DYRK2: variants seen among roughly 807,000 people sequenced by gnomAD.
DYRK2 encodes the protein dual specificity tyrosine-phosphorylation-regulated kinase 2.
In DYRK2, 12 loss-of-function variants were observed where a neutral mutation model predicts 41.6. That is an observed-to-expected ratio of 0.29 (90% CI 0.18 to 0.47). The LOEUF is 0.47. Ranked by LOEUF, DYRK2 falls within the 20% of genes least tolerant of loss-of-function variation. The pLI is 1.00. For synonymous variants in DYRK2, 322 were observed against 315.7 expected, an observed-to-expected ratio of 1.02 and a Z score of -0.21; for missense variants, 678 against 798.4, an observed-to-expected ratio of 0.85 and a Z score of 1.82.
At position 67,664,683 on chromosome 12, in the gene DYRK2, A is replaced by T. The variant is rs753213877; in HGVS notation, c.*5970A>T. The T allele has an allele frequency of 1.3e-5, 2 of 152,178 alleles. No homozygotes were observed. Among genetic ancestry groups the T allele is most frequent in the Non-Finnish European group, 1.5e-5 (1 of 68,008 alleles). The allele number at this position is 152,178 out of a possible 1,614,324, so 9.4% of individuals were successfully genotyped here. On this transcript the variant is annotated 3_prime_UTR_variant, in exon 3 of 3. Coordinates refer to ENST00000344096, the MANE Select transcript of DYRK2 (RefSeq NM_006482.3). ...ACACAAAAGTTTAGAAAGGGGGGGA[A>T]GTTGAGCTAGCAATGGGCATTTCTA...
At position 67,664,104 on chromosome 12, in the gene DYRK2, T is replaced by G. The variant is rs1872690604; in HGVS notation, c.*5391T>G. ...CCTTGTCATTAGTAATACTTAGCACTGTCCAAAATGAAAAATGACTGCCAG... is the reference window on the plus strand; with the variant it reads ...CCTTGTCATTAGTAATACTTAGCACGGTCCAAAATGAAAAATGACTGCCAG... On this transcript the variant is annotated 3_prime_UTR_variant, in exon 3 of 3. Coordinates refer to ENST00000344096, the MANE Select transcript of DYRK2 (RefSeq NM_006482.3). 2 of 152,200 alleles carry G rather than the reference T, an allele frequency of 1.3e-5. No individual in the cohort carries two copies. The highest frequency in any genetic ancestry group is 4.1e-4 in the South Asian group (2 of 4,828). The allele number at this position is 152,200 out of a possible 1,614,324, so 9.4% of individuals were successfully genotyped here.
rs1872654990 is a variant in DYRK2, at chr12:67,662,603, T to A, written c.*3890T>A. On this transcript the variant is annotated 3_prime_UTR_variant, in exon 3 of 3. Coordinates refer to ENST00000344096, the MANE Select transcript of DYRK2 (RefSeq NM_006482.3). ...GGAGTAAGACTGTTTAGTGAATATC[T>A]GTTAAATTTTATTGTTGTGGCCAGA... 1 of 166,830 alleles carries A rather than the reference T, an allele frequency of 6.0e-6. No individual in the cohort carries two copies. The allele number at this position is 166,830 out of a possible 1,614,324, so 10.3% of individuals were successfully genotyped here. A position where few individuals can be genotyped will look rare whatever the true frequency, so the allele number is the denominator to read the frequency against.
Position 67,657,998 on chromosome 12 carries a change from TTAAAG to T in DYRK2, c.1095_1099del (p.Lys365AsnfsTer2). ...TTAAAGCAGCAGGGTAGAAGCGGTA[TTAAAG>T]TAATTGATTTTGGCTCCAGTTGTTA... On this transcript the variant is annotated frameshift_variant, in exon 3 of 3. Transcript: ENST00000344096. LOFTEE classifies it high-confidence loss of function. The surrounding 1 kb of genome is among the most constrained non-coding windows in gnomAD (Gnocchi z 4.8). 1 of 1,614,228 alleles carries T rather than the reference TTAAAG, an allele frequency of 6.2e-7. No homozygotes were observed. The highest frequency in any genetic ancestry group is 8.5e-7 in the Non-Finnish European group (1 of 1,180,040).
At chr12:67,650,047 G>C in intron 2 of DYRK2, 102 bp downstream of exon 2, 1 of 1,182,100 alleles carries the variant, frequency 8.5e-7, no homozygotes, top group Non-Finnish European at 1.1e-6. Context: ...AAGAGGGGTC[G>C]AGATACAAGC....
In DYRK2 at chr12:67,649,095, C is replaced by T; in HGVS notation, c.-39C>T. ...GAAGTAGCAGCAGGACCGGCGGCGG[C>T]GACGGCAGCCCTGAAATGCATTTTC... On this transcript the variant is annotated 5_prime_UTR_variant, in exon 1 of 3. Transcript: ENST00000344096. 2.0e-6 allele frequency: 3 copies of T among 1,464,228 alleles called. No individual in the cohort carries two copies. The South Asian group carries it at 4.0e-5, about 19-fold the overall frequency. The allele number at this position is 1,464,228 out of a possible 1,614,324, so 90.7% of individuals were successfully genotyped here.
Position 67,665,167 on chromosome 12 carries a change from TTG to T in DYRK2, c.*6458_*6459del, listed in dbSNP as rs920594495. 4 of 152,184 alleles carry T rather than the reference TTG, an allele frequency of 2.6e-5. No individual in the cohort carries two copies. The highest frequency in any genetic ancestry group is 4.1e-4 in the South Asian group (2 of 4,824). 9.4% of individuals were successfully genotyped at this position (152,184 alleles called of 1,614,324 possible). On this transcript the variant is annotated 3_prime_UTR_variant, in exon 3 of 3. Coordinates refer to ENST00000344096, the MANE Select transcript of DYRK2 (RefSeq NM_006482.3). ...TAAACCAATTTTACAAACTAAAATATTGTGTCTTTCCTTGCTTTTTATCCCAA... is the reference window on the plus strand; with the variant it reads ...TAAACCAATTTTACAAACTAAAATATTGTCTTTCCTTGCTTTTTATCCCAA...
chr12:67,651,622 C>T (rs1205114211), intron 2 of DYRK2: 3 of 455,746 alleles, frequency 6.6e-6, no homozygotes, highest in Non-Finnish European at 1.3e-5. Context: ...GTGTAAACTT[C>T]GGTATGCTGT....
At chr12:67,653,612 T>C (rs1158123015) in intron 2 of DYRK2, among the ~76,000 whole-genome samples, 1 of 152,258 alleles carries the variant, frequency 6.6e-6, no homozygotes, top group Non-Finnish European at 1.5e-5. Context: ...TAACGTCTTG[T>C]GACTTAGGTC....
chr12:67,657,439 T>A lies in DYRK2; in HGVS notation c.532T>A (p.Tyr178Asn). The change falls in exon 3 of 3, where the codon TAC becomes AAC. Residue 178 changes from tyrosine to asparagine, a missense_variant. Around this residue, in one of 2 missense-constraint regions of DYRK2, gnomAD observed 285 missense variants for 279.2 expected, o/e 1.02. Coordinates refer to ENST00000344096, the MANE Select transcript of DYRK2 (RefSeq NM_006482.3). The surrounding 1 kb of genome is among the most constrained non-coding windows in gnomAD (Gnocchi z 4.8). Reference sequence around the variant, plus strand: ...CTTCGAACACCATGAGATTTTCAGCTACCCTGAAATATATTTCTTGGGTCT... The same window carrying A: ...CTTCGAACACCATGAGATTTTCAGCAACCCTGAAATATATTTCTTGGGTCT... Reference protein sequence around the residue: ...TAFEHHEIFSYPEIYFLGLNA... With the variant: ...TAFEHHEIFSNPEIYFLGLNA... The A allele has an allele frequency of 6.2e-7, 1 of 1,614,200 alleles. No individual in the cohort carries two copies. The highest frequency in any genetic ancestry group is 8.5e-7 in the Non-Finnish European group (1 of 1,180,034).
rs1365129023 is a variant in DYRK2, at chr12:67,664,366, A to G, written c.*5653A>G. The stretch of plus-strand genomic sequence containing the variant: ...TTCTGAAGAAAGCTGACATTTTAGG[A>G]GTATTAAGTCATCTGTCGTTAAGGA... On this transcript the variant is annotated 3_prime_UTR_variant, in exon 3 of 3. Transcript: ENST00000344096. 1 of 152,118 alleles carries G rather than the reference A, an allele frequency of 6.6e-6. No individual in the cohort carries two copies. The highest frequency in any genetic ancestry group is 1.5e-5 in the Non-Finnish European group (1 of 67,994). 9.4% of individuals were successfully genotyped at this position (152,118 alleles called of 1,614,324 possible).
intron 2 of DYRK2, 38 bp downstream of exon 2, chr12:67,649,983 C>T: frequency 3.0e-6 from 4 of 1,312,606 alleles, no homozygotes; most frequent in Admixed American, 4.1e-5. Flanking sequence ...GCGGTGGGGG[C>T]GGGAGGGGCC....
Position 67,662,212 on chromosome 12 carries a change from G to T in DYRK2, c.*3499G>T, listed in dbSNP as rs1872643512. ...TGGTCTCGGTAAAGGTTTTAATATT[G>T]CCCAACATAATGCTGTAATAGCATT... On this transcript the variant is annotated 3_prime_UTR_variant, in exon 3 of 3. Transcript: ENST00000344096. 1.2e-5 allele frequency: 2 copies of T among 166,364 alleles called. No homozygotes were observed. 10.3% of individuals were successfully genotyped at this position (166,364 alleles called of 1,614,324 possible).
chr12:67,658,114 A>G lies in DYRK2; in HGVS notation c.1207A>G (p.Ile403Val), dbSNP rs1872532628. The G allele has an allele frequency of 1.2e-6, 2 of 1,614,060 alleles. No homozygotes were observed. Among genetic ancestry groups the G allele is most frequent in the Non-Finnish European group, 1.7e-6 (2 of 1,180,048 alleles). The change falls in exon 3 of 3, where the codon ATT becomes GTT. Residue 403 changes from isoleucine (I) to valine (V), a missense_variant. Around this residue, in one of 2 missense-constraint regions of DYRK2, gnomAD observed 393 missense variants for 519.1 expected, o/e 0.76. Coordinates refer to ENST00000344096, the MANE Select transcript of DYRK2 (RefSeq NM_006482.3). The surrounding 1 kb of genome is among the most constrained non-coding windows in gnomAD (Gnocchi z 4.3). ...VILGARYGMPIDMWSLGCILA... is the reference protein window; with the variant it reads ...VILGARYGMPVDMWSLGCILA... ...CCTTGGGGCCAGGTATGGCATGCCC[A>G]TTGATATGTGGAGCCTGGGCTGCAT... is the stretch of plus-strand genomic sequence containing the variant.
In DYRK2 at chr12:67,658,518, G is replaced by A; in HGVS notation, c.1611G>A (p.Arg537=). Residue 537 remains arginine, a synonymous_variant, in exon 3 of 3, where the codon AGG becomes AGA. Transcript: ENST00000344096. This position sits in a 1 kb window ranked among gnomAD's most constrained non-coding sequence, Gnocchi z 4.3. ...CTTTGCGGCACCCCTGGCTGAGGAG[G>A]CGGTTGCCAAAGCCTCCCACCGGGG... ...GQALRHPWLR[R]RLPKPPTGEK... The A allele has an allele frequency of 9.9e-6, 16 of 1,612,904 alleles. No homozygotes were observed. The highest frequency in any genetic ancestry group is 1.4e-5 in the Non-Finnish European group (16 of 1,179,336).
At chr12:67,651,078 T>C (rs1872307818) in intron 2 of DYRK2, among the ~76,000 whole-genome samples, 1 of 152,224 alleles carries the variant, frequency 6.6e-6, no homozygotes, top group Non-Finnish European at 1.5e-5. Flanking sequence ...TTTGTTGCTG[T>C]TACTATCTTC....
chr12:67,651,244 T>C (rs1463539661), intron 2 of DYRK2, among the ~76,000 whole-genome samples: 1 of 152,222 alleles, frequency 6.6e-6, no homozygotes, highest in Non-Finnish European at 1.5e-5. Flanking sequence ...CACAGTGATA[T>C]TTAAGGGACT....
chr12:67,658,540 G>C lies in DYRK2; in HGVS notation c.1633G>C (p.Gly545Arg). The change falls in exon 3 of 3, where the codon GGG (glycine) becomes CGG (arginine). Residue 545 changes from glycine (G) to arginine (R), a missense_variant. By Grantham distance (125) the Gly-to-Arg change is moderately radical. This residue lies in a region of DYRK2 where 393 missense variants were observed against 519.1 expected (regional missense o/e 0.76). Coordinates refer to ENST00000344096, the MANE Select transcript of DYRK2 (RefSeq NM_006482.3). The surrounding 1 kb of genome is among the most constrained non-coding windows in gnomAD (Gnocchi z 4.3). ...LRRRLPKPPT[G>R]EKTSVKRITE... Reference sequence around the variant, plus strand: ...GAGGCGGTTGCCAAAGCCTCCCACCGGGGAGAAAACGTCAGTGAAAAGGAT... The same window carrying C: ...GAGGCGGTTGCCAAAGCCTCCCACCCGGGAGAAAACGTCAGTGAAAAGGAT... 1 of 1,613,926 alleles carries C rather than the reference G, an allele frequency of 6.2e-7. No individual in the cohort carries two copies. Among genetic ancestry groups the C allele is most frequent in the Non-Finnish European group, 8.5e-7 (1 of 1,179,900 alleles).
In DYRK2 at chr12:67,658,462, G is replaced by A. The variant is rs1237799158; in HGVS notation, c.1555G>A (p.Asp519Asn). The stretch of plus-strand genomic sequence containing the variant: ...CTTCTTAAAACAGTGTTTAGAGTGG[G>A]ATCCTGCAGTGCGCATGACCCCAGG... The part of the protein sequence containing the change: ...LDFLKQCLEW[D>N]PAVRMTPGQA... The change falls in exon 3 of 3, where the codon GAT becomes AAT. Residue 519 changes from aspartate to asparagine, a missense_variant. Asp to Asn is a conservative substitution (Grantham distance 23, BLOSUM62 1). Transcript: ENST00000344096. This position sits in a 1 kb window ranked among gnomAD's most constrained non-coding sequence, Gnocchi z 4.3. 7 of 1,597,982 alleles carry A rather than the reference G, an allele frequency of 4.4e-6. No homozygotes were observed. The highest frequency in any genetic ancestry group is 6.0e-6 in the Non-Finnish European group (7 of 1,172,558).
At chr12:67,651,172 G>A (rs947903665) in intron 2 of DYRK2, among the ~76,000 whole-genome samples, 3 of 152,198 alleles carry the variant, frequency 2.0e-5, no homozygotes, top group Admixed American at 6.5e-5. Flanking sequence ...ACTAACCTGT[G>A]TTGGACTGTG....
Sources: gnomAD v4.1 joint callset for allele counts (sites outside exome capture counted in the v4.1 genomes callset) on GRCh38, gnomAD v4.1.1 for gene constraint, gnomAD v4.1.1 regional missense constraint, Gnocchi (gnomAD v3.1) non-coding constraint, MANE v1.5 for transcripts, NCBI Gene and HGNC (gene_info 2026-07-23, HGNC 2026-07-21) for gene names.